Variants in GPC6 observed in about 807,000 individuals in gnomAD.
GPC6 encodes the protein glypican 6.
GPC6 carries 14 observed loss-of-function variants against 55.2 expected under a neutral mutation model. The observed-to-expected ratio is 0.25, with a 90% CI of 0.17 to 0.40. The LOEUF (loss-of-function observed/expected upper bound fraction) is 0.40, where lower values mean the gene tolerates loss of function less well. Ranked by LOEUF, GPC6 falls within the 10% of genes least tolerant of loss-of-function variation. The probability of loss-of-function intolerance (pLI) is 1.00; values close to 1 mark genes in which losing one functional copy is unlikely to be tolerated. For synonymous variants in GPC6, 278 were observed against 259.6 expected (o/e 1.07, Z -0.68); for missense variants, 641 against 708.5 (o/e 0.90, Z 1.08).
At chr13:93,587,868 T>A (rs1877279293) in intron 2 of GPC6, among the ~76,000 whole-genome samples, 1 of 152,172 alleles carries the variant, frequency 6.6e-6, no homozygotes, top group African/African-American at 2.4e-5. Flanking sequence ...TTTCGAAATT[T>A]AAAATTGGTG....
intron 4 of GPC6, among the ~76,000 whole-genome samples, chr13:94,178,287 G>C (rs566267483): frequency 1.3e-5 from 2 of 151,994 alleles, no homozygotes; most frequent in Non-Finnish European, 2.9e-5. Flanking sequence ...ATGAGCCATC[G>C]CACCCGGCTG....
chr13:93,792,204 C>T (rs1188490562), intron 2 of GPC6, among the ~76,000 whole-genome samples: 12 of 152,246 alleles, frequency 7.9e-5, no homozygotes, highest in Admixed American at 5.9e-4. Flanking sequence ...CACCTCTCAG[C>T]GTGTGTTTGT....
intron 4 of GPC6, among the ~76,000 whole-genome samples, chr13:94,033,137 A>G (rs923505184): frequency 2.6e-5 from 4 of 152,180 alleles, no homozygotes; most frequent in African/African-American, 9.7e-5. Context: ...AGGCTGTTCT[A>G]TTTTACTTTG....
At chr13:94,327,347 T>C (rs942759855) in intron 6 of GPC6, among the ~76,000 whole-genome samples, 4 of 152,148 alleles carry the variant, frequency 2.6e-5, no homozygotes, top group African/African-American at 9.7e-5. Context: ...CAGATGTTTT[T>C]CTCTTCTCCC....
At chr13:93,629,455 C>T (rs890454607) in intron 2 of GPC6, among the ~76,000 whole-genome samples, 11 of 151,908 alleles carry the variant, frequency 7.2e-5, no homozygotes, top group South Asian at 2.1e-4. Context: ...TGCCTAGGTT[C>T]GAGCCATTGA....
At chr13:93,757,999 C>T (rs189040142) in intron 2 of GPC6, among the ~76,000 whole-genome samples, 1 of 152,226 alleles carries the variant, frequency 6.6e-6, no homozygotes, top group East Asian at 1.9e-4. Flanking sequence ...AGTCACTGTT[C>T]CTGTAAGCAG....
At chr13:93,980,149 C>T (rs539837321) in intron 3 of GPC6, among the ~76,000 whole-genome samples, 16 of 152,224 alleles carry the variant, frequency 1.1e-4, no homozygotes, top group Middle Eastern at 3.4e-3. Context: ...ACCATACAGT[C>T]AGCTTGTGCC....
At chr13:94,014,552 T>TG (rs1882382426) in intron 3 of GPC6, among the ~76,000 whole-genome samples, 1 of 152,206 alleles carries the variant, frequency 6.6e-6, no homozygotes, top group Non-Finnish European at 1.5e-5. Flanking sequence ...TTCACCCGTT[T>TG]GTAGAGGCCA....
At chr13:93,547,447 T>G (rs187888809) in intron 2 of GPC6, among the ~76,000 whole-genome samples, 1 of 152,314 alleles carries the variant, frequency 6.6e-6, no homozygotes, top group Admixed American at 6.5e-5. Context: ...GCATCTATAG[T>G]TTCTAATCCC....
At chr13:93,830,611 T>TCAA (rs1235466762) in intron 3 of GPC6, 66 bp downstream of exon 3, 2 of 649,418 alleles carry the variant, frequency 3.1e-6, no homozygotes, top group Non-Finnish European at 4.3e-6. Context: ...AAACCAATGT[T>TCAA]TAAAAAAAAA....
intron 1 of GPC6, among the ~76,000 whole-genome samples, chr13:93,327,682 A>G (rs1021772026): frequency 4.1e-4 from 62 of 152,216 alleles, no homozygotes; most frequent in African/African-American, 1.4e-3. Flanking sequence ...TTTATGATAC[A>G]GTAATAAGTG....
chr13:93,940,542 G>C (rs1371241148), intron 3 of GPC6, among the ~76,000 whole-genome samples: 12 of 151,950 alleles, frequency 7.9e-5, no homozygotes, highest in Non-Finnish European at 1.8e-4. Flanking sequence ...CCAGGTACAA[G>C]AAATAAATGG....
At chr13:93,907,218 C>T (rs1167163294) in intron 3 of GPC6, among the ~76,000 whole-genome samples, 1 of 151,998 alleles carries the variant, frequency 6.6e-6, no homozygotes, top group East Asian at 1.9e-4. Flanking sequence ...TGCTATAATC[C>T]TTTTCTTATG....
intron 2 of GPC6, 60 bp downstream of exon 2, chr13:93,545,481 G>A: frequency 7.4e-7 from 1 of 1,350,108 alleles, no homozygotes; most frequent in Non-Finnish European, 1.1e-6. Flanking sequence ...GAGAATCTTG[G>A]TATCATATGA....
chr13:93,305,806 T>C (rs72635701), intron 1 of GPC6, among the ~76,000 whole-genome samples: 10,431 of 152,298 alleles, frequency 0.068, 431 homozygotes, highest in Non-Finnish European at 0.091. Flanking sequence ...ATTTCCTAAA[T>C]GACTTTATCA....
intron 6 of GPC6, among the ~76,000 whole-genome samples, chr13:94,352,484 G>T (rs183808792): frequency 6.6e-6 from 1 of 151,478 alleles, no homozygotes; most frequent in African/African-American, 2.4e-5. Context: ...CTAGAGGAGA[G>T]TGAGGCCCCA....
intron 1 of GPC6, among the ~76,000 whole-genome samples, chr13:93,441,057 G>C (rs1237773802): frequency 6.6e-6 from 1 of 152,132 alleles, no homozygotes; most frequent in Non-Finnish European, 1.5e-5. Context: ...GTATTCCATG[G>C]TGTATATGTG....
chr13:94,244,799 GA>G (rs1183264058), intron 4 of GPC6, among the ~76,000 whole-genome samples: 2 of 151,970 alleles, frequency 1.3e-5, no homozygotes, highest in Non-Finnish European at 2.9e-5. Flanking sequence ...GTGAGAGGGG[GA>G]TGTAGGGAAT....
At chr13:93,274,910 C>T (rs1252956326) in intron 1 of GPC6, among the ~76,000 whole-genome samples, 1 of 152,100 alleles carries the variant, frequency 6.6e-6, no homozygotes, top group African/African-American at 2.4e-5. Context: ...AAATTAGGGT[C>T]TTACCTAAGA....
Sources: gnomAD v4.1 joint callset for allele counts (sites outside exome capture counted in the v4.1 genomes callset) on GRCh38, gnomAD v4.1.1 for gene constraint, MANE v1.5 for transcripts, NCBI Gene and HGNC (gene_info 2026-07-23, HGNC 2026-07-21) for gene names.